CRISPLD1: variants seen among roughly 807,000 people sequenced by gnomAD.
The protein encoded by CRISPLD1 is cysteine rich secretory protein LCCL domain containing 1.
Under a neutral mutation model 77.5 loss-of-function variants are expected in CRISPLD1, and 60 were observed. That is an observed-to-expected ratio of 0.77 (90% CI 0.63 to 0.96). CRISPLD1 has a LOEUF of 0.96. Among genes scored for constraint, CRISPLD1 ranks in the 40% least tolerant of loss-of-function variants. CRISPLD1 has a pLI of 0.00. For missense variants in CRISPLD1, 623 were observed against 615.8 expected (o/e 1.01, Z -0.12); for synonymous variants, 195 against 200.1 (o/e 0.97, Z 0.22).
At chr8:74,990,472 C>T (rs916521160) in intron 2 of CRISPLD1, among the ~76,000 whole-genome samples, 3 of 152,082 alleles carry the variant, frequency 2.0e-5, no homozygotes, top group African/African-American at 7.2e-5. Flanking sequence ...CTTTTCATTT[C>T]TGTCCTTTTC....
intron 14 of CRISPLD1, 125 bp downstream of exon 14, chr8:75,029,642 G>T: frequency 2.2e-6 from 2 of 917,174 alleles, no homozygotes; most frequent in South Asian, 3.3e-5. Context: ...GAGCCAGTGT[G>T]TTCCTTTGCA....
chr8:75,006,940 ATG>A, intron 2 of CRISPLD1, among the ~76,000 whole-genome samples: 1 of 152,126 alleles, frequency 6.6e-6, no homozygotes, highest in Non-Finnish European at 1.5e-5. Flanking sequence ...ATCCAAAACA[ATG>A]CTAATTAATG....
intron 2 of CRISPLD1, among the ~76,000 whole-genome samples, chr8:74,999,238 A>G (rs752448221): frequency 1.2e-4 from 19 of 152,198 alleles, no homozygotes; most frequent in Non-Finnish European, 4.4e-5. Flanking sequence ...CATAAAAGAC[A>G]GCAGATTTTC....
rs1014711869 is a variant in CRISPLD1 at position 75,018,068 on chromosome 8, T to C, written c.1127+618T>C. On this transcript the variant is annotated intron_variant, in intron 10 of 14. Coordinates refer to ENST00000262207, the MANE Select transcript of CRISPLD1 (RefSeq NM_031461.6). ...GGGCTTTTGAAATACCTCTTTAGTG[T>C]CTTTTTTTCCCTCTAAGTAAAACAG... Among the ~76,000 whole-genome samples, 3 of 152,300 alleles carry C rather than the reference T, an allele frequency of 2.0e-5. No homozygotes were observed. In the East Asian group the frequency reaches 5.8e-4, roughly 29 times the overall value.
chr8:75,029,280 A>G (rs1813289423), intron 13 of CRISPLD1, 107 bp from the exon 14 acceptor site: 3 of 1,082,436 alleles, frequency 2.8e-6, no homozygotes, highest in South Asian at 1.7e-5. Flanking sequence ...CTGGCTATCC[A>G]TGACATCAGG....
rs150474883 is a variant in CRISPLD1, at chr8:75,017,415, C to G, written c.1092C>G (p.Phe364Leu). The change falls in exon 10 of 15, where the codon TTC becomes TTG. Residue 364 changes from phenylalanine to leucine, a missense_variant. Physicochemically the swap from Phe to Leu is conservative, Grantham distance 22. Transcript: ENST00000262207. The part of the protein sequence containing the change: ...DITRQGRKHY[F>L]IKSNRNGIQT... ...CTAGACAAGGAAGAAAGCATTATTT[C>G]ATCAAGTCCAATAGAAATGGTATTC... is the stretch of plus-strand genomic sequence containing the variant. The G allele has an allele frequency of 6.2e-7, 1 of 1,609,970 alleles. No individual in the cohort carries two copies. Among genetic ancestry groups the G allele is most frequent in the Non-Finnish European group, 8.5e-7 (1 of 1,178,156 alleles).
Position 75,018,502 on chromosome 8 carries a change from G to A in CRISPLD1, c.1127+1052G>A, listed in dbSNP as rs565187673. The stretch of plus-strand genomic sequence containing the variant: ...GACGAGGTTTCACCATGTTGGCCAG[G>A]CTGGTCTTGAACTCCTGACCTCAGG... On this transcript the variant is annotated intron_variant, in intron 10 of 14. Transcript: ENST00000262207. Among the ~76,000 whole-genome samples, 73 of 152,000 alleles carry A rather than the reference G, an allele frequency of 4.8e-4. 1 individual carries two copies. Among genetic ancestry groups the A allele is most frequent in the Middle Eastern group, 3.4e-3 (1 of 294 alleles).
intron 2 of CRISPLD1, among the ~76,000 whole-genome samples, chr8:74,999,107 G>C (rs1012967521): frequency 1.3e-5 from 2 of 152,048 alleles, no homozygotes; most frequent in African/African-American, 4.8e-5. Context: ...GGATTACTGG[G>C]TTATTAAACT....
intron 12 of CRISPLD1, among the ~76,000 whole-genome samples, chr8:75,024,472 C>T (rs1813198750): frequency 6.6e-6 from 1 of 151,926 alleles, no homozygotes; most frequent in African/African-American, 2.4e-5. Flanking sequence ...TTACAGGCAC[C>T]CAGGACCATG....
chr8:75,019,815 G>A, intron 10 of CRISPLD1, 55 bp from the exon 11 acceptor site: 3 of 1,367,658 alleles, frequency 2.2e-6, no homozygotes, highest in Non-Finnish European at 3.1e-6. Context: ...CAGAAATGAT[G>A]CTGCTGCTGA....
chr8:75,012,122 C>T (rs1272535521), intron 2 of CRISPLD1, among the ~76,000 whole-genome samples: 1 of 151,928 alleles, frequency 6.6e-6, no homozygotes, highest in African/African-American at 2.4e-5. Context: ...GGACCCCGGA[C>T]CTTGGACTTT....
chr8:75,032,574 A>C lies in CRISPLD1; in HGVS notation c.*332A>C, dbSNP rs1813370623. The C allele has an allele frequency of 5.7e-6, 1 of 176,068 alleles. No individual in the cohort carries two copies. Among genetic ancestry groups the C allele is most frequent in the African/African-American group, 2.4e-5 (1 of 42,382 alleles). The allele number at this position is 176,068 out of a possible 1,614,324, so 10.9% of individuals were successfully genotyped here. On this transcript the variant is annotated 3_prime_UTR_variant, in exon 15 of 15. Coordinates refer to ENST00000262207, the MANE Select transcript of CRISPLD1 (RefSeq NM_031461.6). ...CTTTGTATATGCCACTAATAAAATGAATCTAAACATTGAATGTGAATGGCC... is the reference window on the plus strand; with the variant it reads ...CTTTGTATATGCCACTAATAAAATGCATCTAAACATTGAATGTGAATGGCC...
At chr8:75,002,227 A>G (rs1812754425) in intron 2 of CRISPLD1, among the ~76,000 whole-genome samples, 1 of 151,670 alleles carries the variant, frequency 6.6e-6, no homozygotes, top group South Asian at 2.1e-4. Context: ...TCAGTCATTC[A>G]AAATTTTGAA....
chr8:75,004,392 A>G (rs775133368), intron 2 of CRISPLD1, among the ~76,000 whole-genome samples: 4 of 152,086 alleles, frequency 2.6e-5, no homozygotes, highest in Non-Finnish European at 5.9e-5. Context: ...AGCATCTCAC[A>G]CTCTTTCAGC....
At chr8:74,985,126 A>G (rs1233784563) in intron 1 of CRISPLD1, among the ~76,000 whole-genome samples, 2 of 152,100 alleles carry the variant, frequency 1.3e-5, no homozygotes, top group Non-Finnish European at 2.9e-5. Context: ...TGTTGGTTTC[A>G]CCTACTTTCT....
rs539550080 is a variant in CRISPLD1 at position 75,004,479 on chromosome 8, T to C, written c.259-7954T>C. 4.6e-5 allele frequency among the ~76,000 whole-genome samples: 7 copies of C among 152,298 alleles called. No homozygotes were observed. In the South Asian group the frequency reaches 1.4e-3, roughly 32 times the overall value. ...GCTTTACAGATTTTATAATGAGTCA[T>C]TATATTTGAAATTTGAATCTGATGT... On this transcript the variant is annotated intron_variant, in intron 2 of 14. Coordinates refer to ENST00000262207, the MANE Select transcript of CRISPLD1 (RefSeq NM_031461.6).
rs1224430890 is a variant in CRISPLD1 at position 75,012,520 on chromosome 8, A to G, written c.346A>G (p.Ile116Val). The part of the protein sequence containing the change: ...EHGPASLLPS[I>V]GQNLGAHWGR... ...TGGACCTGCAAGCTTGCTTCCATCA[A>G]TTGGACAGAATTTGGGAGCACACTG... The change falls in exon 3 of 15, where the codon ATT becomes GTT. Residue 116 changes from isoleucine to valine, a missense_variant. Transcript: ENST00000262207. 2 of 1,612,086 alleles carry G rather than the reference A, an allele frequency of 1.2e-6. No individual in the cohort carries two copies. Among genetic ancestry groups the G allele is most frequent in the Admixed American group, 1.7e-5 (1 of 59,896 alleles).
chr8:75,000,355 C>A lies in CRISPLD1; in HGVS notation c.259-12078C>A, dbSNP rs928842518. The A allele has an allele frequency of 3.0e-6, 3 of 985,172 alleles. No individual in the cohort carries two copies. The African/African-American group carries it at 5.2e-5, about 17-fold the overall frequency. The allele number at this position is 985,172 out of a possible 1,614,324, so 61.0% of individuals were successfully genotyped here. ...AAGATGGAATAAGAACATGGAAACTCCTGTGTGGAAAGAAAAGGCCAAGAG... is the reference window on the plus strand; with the variant it reads ...AAGATGGAATAAGAACATGGAAACTACTGTGTGGAAAGAAAAGGCCAAGAG... On this transcript the variant is annotated intron_variant, in intron 2 of 14. Coordinates refer to ENST00000262207, the MANE Select transcript of CRISPLD1 (RefSeq NM_031461.6).
At chr8:74,999,280 C>T (rs894665629) in intron 2 of CRISPLD1, among the ~76,000 whole-genome samples, 4 of 152,116 alleles carry the variant, frequency 2.6e-5, no homozygotes, top group Non-Finnish European at 1.5e-5. Flanking sequence ...TCAAGGCAAA[C>T]ATTTGAACAA....
Sources: allele counts gnomAD v4.1 joint callset (sites outside exome capture counted in the v4.1 genomes callset), GRCh38; gene constraint gnomAD v4.1.1; transcripts MANE v1.5; gene names NCBI Gene and HGNC (gene_info 2026-07-23, HGNC 2026-07-21).